CBLB: variants seen among roughly 807,000 people sequenced by gnomAD.
The protein encoded by CBLB is E3 ubiquitin-protein ligase CBL-B.
Under a neutral mutation model 104.9 loss-of-function variants are expected in CBLB, and 31 were observed. That is an observed-to-expected ratio of 0.30 (90% CI 0.22 to 0.40). CBLB has a LOEUF of 0.40. Among genes scored for constraint, CBLB ranks in the 10% least tolerant of loss-of-function variants. The pLI is 1.00. For synonymous variants in CBLB, 440 were observed against 422.6 expected, an observed-to-expected ratio of 1.04 and a Z score of -0.51; for missense variants, 1,062 against 1,214.6, an observed-to-expected ratio of 0.87 and a Z score of 1.87.
intron 10 of CBLB, among the ~76,000 whole-genome samples, chr3:105,710,952 T>C (rs534051623): frequency 1.3e-5 from 2 of 152,122 alleles, no homozygotes; most frequent in South Asian, 2.1e-4. Flanking sequence ...CATCTCACTA[T>C]GTTCAGCAAT....
At chr3:105,848,456 T>C (rs1484992594) in intron 3 of CBLB, among the ~76,000 whole-genome samples, 1 of 152,138 alleles carries the variant, frequency 6.6e-6, no homozygotes, top group East Asian at 1.9e-4. Flanking sequence ...TATCTTTCTA[T>C]TTATTACATT....
At chr3:105,663,270 TA>T (rs1260337105) in intron 18 of CBLB, among the ~76,000 whole-genome samples, 2 of 152,150 alleles carry the variant, frequency 1.3e-5, no homozygotes, top group East Asian at 3.9e-4. Flanking sequence ...CTAGAAATGA[TA>T]ACAAAAAACA....
intron 3 of CBLB, among the ~76,000 whole-genome samples, chr3:105,847,868 T>A (rs539157939): frequency 2.0e-5 from 3 of 152,260 alleles, no homozygotes; most frequent in African/African-American, 7.2e-5. Context: ...ATGCCTCCTA[T>A]CAATTATACA....
At chr3:105,753,328 A>C (rs569854661) in intron 4 of CBLB, among the ~76,000 whole-genome samples, 1 of 152,204 alleles carries the variant, frequency 6.6e-6, no homozygotes, top group African/African-American at 2.4e-5. Flanking sequence ...TTTAGAAGAA[A>C]CACACGTCAG....
chr3:105,868,696 A>G (rs1021223853), intron 1 of CBLB, 40 bp downstream of exon 1: 16 of 997,376 alleles, frequency 1.6e-5, no homozygotes, highest in Admixed American at 6.0e-5. Flanking sequence ...CGGGCCGGCA[A>G]GAAGTGTGGA....
At chr3:105,696,790 T>C (rs2152765208) in intron 12 of CBLB, among the ~76,000 whole-genome samples, 1 of 152,088 alleles carries the variant, frequency 6.6e-6, no homozygotes, top group South Asian at 2.1e-4. Context: ...AGACACTTCA[T>C]AATTGGTTTT....
intron 3 of CBLB, among the ~76,000 whole-genome samples, chr3:105,818,743 A>G (rs1436316292): frequency 6.6e-6 from 1 of 152,210 alleles, no homozygotes; most frequent in East Asian, 1.9e-4. Context: ...AAGCATACAG[A>G]TGTTCAGAAA....
intron 4 of CBLB, among the ~76,000 whole-genome samples, chr3:105,774,070 G>A (rs540105181): frequency 1.3e-5 from 2 of 152,258 alleles, no homozygotes; most frequent in Non-Finnish European, 1.5e-5. Flanking sequence ...GGACCTTCAA[G>A]AGGTGGTTAG....
In CBLB at chr3:105,702,134, C is replaced by T. The variant is rs746660756; in HGVS notation, c.1919G>A (p.Arg640Gln). 16 of 1,613,974 alleles carry T rather than the reference C, an allele frequency of 9.9e-6. No homozygotes were observed. Among genetic ancestry groups the T allele is most frequent in the African/African-American group, 1.3e-5 (1 of 74,900 alleles). The change falls in exon 12 of 19, where the codon CGG (arginine) becomes CAG (glutamine). Residue 640 changes from arginine to glutamine, a missense_variant. Arg to Gln is a conservative substitution (Grantham distance 43). This residue lies in a region of CBLB where 605 missense variants were observed against 582.6 expected (regional missense o/e 1.04). Transcript: ENST00000394030. ...AGGCAAATCATGGCGTCTGTGTTTC[C>T]GCATAAGCACTGGGTCAGAGCCCAC... ...SRVGSDPVLM[R>Q]KHRRHDLPLE...
chr3:105,729,513 G>A (rs2074069943), intron 9 of CBLB, among the ~76,000 whole-genome samples: 1 of 151,974 alleles, frequency 6.6e-6, no homozygotes, highest in Non-Finnish European at 1.5e-5. Context: ...CAAAAACAAT[G>A]TCTTTAAGGT....
chr3:105,739,932 G>A (rs985306413), intron 7 of CBLB, among the ~76,000 whole-genome samples: 2 of 151,962 alleles, frequency 1.3e-5, no homozygotes, highest in Admixed American at 6.6e-5. Flanking sequence ...GTGAAACCCC[G>A]TCTCTACTAA....
intron 18 of CBLB, 123 bp from the exon 19 acceptor site, chr3:105,659,352 CT>C (rs1047316487): frequency 2.7e-6 from 3 of 1,101,348 alleles, no homozygotes; most frequent in South Asian, 1.4e-5. Context: ...TACAAATAAA[CT>C]TTTTTTCAAT....
rs59924993 is a variant in CBLB at position 105,676,723 on chromosome 3, G to C, written c.2569+1708C>G. 4.0e-3 allele frequency among the ~76,000 whole-genome samples: 609 copies of C among 152,274 alleles called. 4 individuals are homozygous for C. Among genetic ancestry groups the C allele is most frequent in the African/African-American group, 0.014 (576 of 41,562 alleles). On this transcript the variant is annotated intron_variant, in intron 17 of 18. Transcript: ENST00000394030. ...GCCCAAGCAGTTATGATATGGTTTGGCTCTGTGTCCCCACTCAAATTTCAT... is the reference window on the plus strand; with the variant it reads ...GCCCAAGCAGTTATGATATGGTTTGCCTCTGTGTCCCCACTCAAATTTCAT...
chr3:105,666,816 C>T (rs954169730), intron 18 of CBLB, among the ~76,000 whole-genome samples: 1 of 152,124 alleles, frequency 6.6e-6, no homozygotes, highest in Non-Finnish European at 1.5e-5. Flanking sequence ...GTAAGGAAAA[C>T]AACTCTAGGT....
At chr3:105,754,077 A>G (rs2076824217) in intron 4 of CBLB, among the ~76,000 whole-genome samples, 1 of 152,114 alleles carries the variant, frequency 6.6e-6, no homozygotes, top group African/African-American at 2.4e-5. Flanking sequence ...GTGTTTGCGC[A>G]ACAGATAACC....
At chr3:105,868,335 T>C in intron 1 of CBLB, 1 of 681,644 alleles carries the variant, frequency 1.5e-6, no homozygotes, top group Non-Finnish European at 2.1e-6. Context: ...AAAGCTTTGT[T>C]TCAGGACGCC....
At position 105,681,818 on chromosome 3, in the gene CBLB, C is replaced by T. The variant is rs1559801049; in HGVS notation, c.2202G>A (p.Arg734=). Residue 734 remains arginine (R), a splice_region_variant and synonymous_variant, in exon 15 of 19, where the codon CGG becomes CGA. Transcript: ENST00000394030. ...GCATACAGTGACCATTATCACAAGACCTAAAGGACAGTTCAGAGTAAAATT... is the reference window on the plus strand; with the variant it reads ...GCATACAGTGACCATTATCACAAGATCTAAAGGACAGTTCAGAGTAAAATT... ...SHCHNVKPPV[R]SCDNGHCMLN... 2 of 1,575,090 alleles carry T rather than the reference C, an allele frequency of 1.3e-6. No homozygotes were observed. The highest frequency in any genetic ancestry group is 1.7e-5 in the Admixed American group (1 of 59,954).
chr3:105,702,362 G>T lies in CBLB; in HGVS notation c.1691C>A (p.Pro564Gln). 1 of 1,613,268 alleles carries T rather than the reference G, an allele frequency of 6.2e-7. No individual in the cohort carries two copies. Among genetic ancestry groups the T allele is most frequent in the East Asian group, 2.2e-5 (1 of 44,808 alleles). Residue 564 changes from proline to glutamine, a missense_variant, in exon 12 of 19, where the codon CCA becomes CAA. Physicochemically the swap from Pro to Gln is moderately conservative, Grantham distance 76. Transcript: ENST00000394030. ...ACTCAGTCTATTGTCTGGTGGGATTGGTGGAGGTCTTTCAGGTGGCGGTGG... is the reference window on the plus strand; with the variant it reads ...ACTCAGTCTATTGTCTGGTGGGATTTGTGGAGGTCTTTCAGGTGGCGGTGG... ...PPPPPPERPP[P>Q]IPPDNRLSRH... is the part of the protein sequence containing the mutation.
chr3:105,659,329 T>G (rs2063559041), intron 18 of CBLB, 100 bp from the exon 19 acceptor site: 1 of 1,217,594 alleles, frequency 8.2e-7, no homozygotes, highest in Non-Finnish European at 1.2e-6. Flanking sequence ...GAAATATTAT[T>G]TCTTGTTTTC....
Sources: gnomAD v4.1 joint callset for allele counts (sites outside exome capture counted in the v4.1 genomes callset) on GRCh38, gnomAD v4.1.1 for gene constraint, gnomAD v4.1.1 regional missense constraint, MANE v1.5 for transcripts, NCBI Gene and HGNC (gene_info 2026-07-23, HGNC 2026-07-21) for gene names.